Variants in GPC5 observed in about 807,000 individuals in gnomAD.
GPC5 encodes glypican 5.
Under a neutral mutation model 53.9 loss-of-function variants are expected in GPC5, and 47 were observed. The ratio of observed to expected loss-of-function variants is 0.87; its 90% CI spans 0.69 to 1.11. The LOEUF (loss-of-function observed/expected upper bound fraction) is 1.11, where lower values mean the gene tolerates loss of function less well. Among genes scored for constraint, GPC5 ranks in the 50% most tolerant of loss-of-function variants. The probability of loss-of-function intolerance (pLI) is 0.00; values close to 1 mark genes in which losing one functional copy is unlikely to be tolerated. For synonymous variants in GPC5, 286 were observed against 263.3 expected (o/e 1.09, Z -0.84); for missense variants, 748 against 713.1 (o/e 1.05, Z -0.56).
At chr13:92,709,840 A>AG (rs1399448283) in intron 7 of GPC5, among the ~76,000 whole-genome samples, 4 of 152,236 alleles carry the variant, frequency 2.6e-5, no homozygotes, top group African/African-American at 9.6e-5. Flanking sequence ...CAAAGTGAGT[A>AG]GTTCAAGTGC....
intron 2 of GPC5, among the ~76,000 whole-genome samples, chr13:91,470,758 G>A (rs1234252909): frequency 2.0e-5 from 3 of 152,056 alleles, no homozygotes; most frequent in Non-Finnish European, 4.4e-5. Flanking sequence ...AAGATTAGCT[G>A]CTTGCAAACA....
rs9561153 is a variant in GPC5, at chr13:92,788,922, A to G, written c.1562-77360A>G. On this transcript the variant is annotated intron_variant, in intron 7 of 7. Coordinates refer to ENST00000377067, the MANE Select transcript of GPC5 (RefSeq NM_004466.6). ...CCCAGGGTATTTGCTCAATATCTCA[A>G]TATTGGGTAAGAATATCTCAATATT... Among the ~76,000 whole-genome samples the G allele has an allele frequency of 0.025, 3,860 of 152,212 alleles. 389 individuals are homozygous for G. The East Asian group carries it at 0.32, about 13-fold the overall frequency.
intron 7 of GPC5, among the ~76,000 whole-genome samples, chr13:92,385,337 C>T (rs868011848): frequency 1.8e-4 from 21 of 115,798 alleles, no homozygotes; most frequent in South Asian, 5.0e-4. Context: ...TACATATATA[C>T]ATATATATAC....
intron 5 of GPC5, among the ~76,000 whole-genome samples, chr13:91,801,808 G>A (rs2038140751): frequency 6.6e-6 from 1 of 152,156 alleles, no homozygotes; most frequent in Non-Finnish European, 1.5e-5. Context: ...AGTTGCACCA[G>A]TATTTGAATT....
At chr13:92,294,826 C>CTTTTTTTTTTTTTTTTTT (rs147963724) in intron 7 of GPC5, among the ~76,000 whole-genome samples, 10 of 99,008 alleles carry the variant, frequency 1.0e-4, no homozygotes, top group East Asian at 2.9e-4. Context: ...TTTTTTTTTT[C>CTTTTTTTTTTTTTTTTTT]TTTTTTTTTT....
intron 7 of GPC5, among the ~76,000 whole-genome samples, chr13:92,753,320 A>C (rs1417843738): frequency 2.0e-5 from 3 of 152,096 alleles, no homozygotes; most frequent in Non-Finnish European, 2.9e-5. Context: ...CACACCAAAA[A>C]CCCATCTGTA....
chr13:91,933,051 A>T (rs1456699161), intron 6 of GPC5, among the ~76,000 whole-genome samples: 2 of 151,968 alleles, frequency 1.3e-5, no homozygotes, highest in African/African-American at 4.8e-5. Context: ...AATTTCCCTT[A>T]TCTGTCAAAG....
chr13:91,837,879 G>T (rs1007837865), intron 5 of GPC5, among the ~76,000 whole-genome samples: 18 of 152,060 alleles, frequency 1.2e-4, no homozygotes, highest in Admixed American at 1.0e-3. Context: ...ATGGTGATTG[G>T]TAAAAAATGA....
At chr13:91,785,891 C>A (rs1371753827) in intron 5 of GPC5, among the ~76,000 whole-genome samples, 1 of 152,194 alleles carries the variant, frequency 6.6e-6, no homozygotes, top group Non-Finnish European at 1.5e-5. Context: ...ATTCCAACTA[C>A]TCTCCCTACT....
intron 7 of GPC5, among the ~76,000 whole-genome samples, chr13:92,757,678 A>C (rs907541991): frequency 9.7e-4 from 144 of 148,316 alleles, no homozygotes; most frequent in African/African-American, 3.5e-3. Context: ...AAAGGACATG[A>C]ACAGACACTT....
At chr13:91,543,184 G>A (rs952555051) in intron 2 of GPC5, among the ~76,000 whole-genome samples, 4 of 151,734 alleles carry the variant, frequency 2.6e-5, no homozygotes, top group South Asian at 2.1e-4. Context: ...ATAGAGACCT[G>A]GATTCTCCAT....
intron 6 of GPC5, among the ~76,000 whole-genome samples, chr13:91,961,959 T>C (rs1177947233): frequency 6.6e-6 from 1 of 152,132 alleles, no homozygotes; most frequent in African/African-American, 2.4e-5. Flanking sequence ...TCTGTAACTT[T>C]TTCTATATCT....
At chr13:92,300,188 G>A (rs35877036) in intron 7 of GPC5, among the ~76,000 whole-genome samples, 17,805 of 152,106 alleles carry the variant, frequency 0.12, 1,153 homozygotes, top group Middle Eastern at 0.15. Flanking sequence ...GAATGTTGTC[G>A]TGAGGGTAAA....
intron 1 of GPC5, among the ~76,000 whole-genome samples, chr13:91,415,978 C>T (rs1205698015): frequency 6.6e-6 from 1 of 152,138 alleles, no homozygotes; most frequent in African/African-American, 2.4e-5. Flanking sequence ...TGCATTTTAT[C>T]ATTTTTGGTA....
At chr13:92,237,918 G>T (rs149854167) in intron 7 of GPC5, among the ~76,000 whole-genome samples, 2 of 151,826 alleles carry the variant, frequency 1.3e-5, no homozygotes, top group African/African-American at 2.4e-5. Context: ...ATCATAATAA[G>T]CATTCTTTAT....
chr13:92,315,524 C>T (rs1006412495), intron 7 of GPC5, among the ~76,000 whole-genome samples: 4 of 152,272 alleles, frequency 2.6e-5, no homozygotes, highest in East Asian at 1.9e-4. Context: ...CTATGCTTTC[C>T]GAAGTCAGTT....
At chr13:91,788,121 CA>C (rs1177707340) in intron 5 of GPC5, among the ~76,000 whole-genome samples, 1 of 152,164 alleles carries the variant, frequency 6.6e-6, no homozygotes, top group African/African-American at 2.4e-5. Flanking sequence ...TGACTTAAAA[CA>C]ACAAATATTT....
At chr13:92,857,490 C>T (rs1879038479) in intron 7 of GPC5, among the ~76,000 whole-genome samples, 1 of 152,102 alleles carries the variant, frequency 6.6e-6, no homozygotes, top group Admixed American at 6.6e-5. Context: ...AACCAAAGAG[C>T]TTCTGTACAG....
intron 7 of GPC5, among the ~76,000 whole-genome samples, chr13:92,267,858 C>T (rs2042813225): frequency 6.6e-6 from 1 of 152,024 alleles, no homozygotes; most frequent in Non-Finnish European, 1.5e-5. Flanking sequence ...AGAAAACTCC[C>T]AACCCCTAGA....
Sources: allele counts gnomAD v4.1 joint callset (sites outside exome capture counted in the v4.1 genomes callset), GRCh38; gene constraint gnomAD v4.1.1; transcripts MANE v1.5; gene names NCBI Gene and HGNC (gene_info 2026-07-23, HGNC 2026-07-21).